Variants in ATAD2B observed in about 807,000 individuals in gnomAD.
ATAD2B encodes ATPase family AAA domain-containing protein 2B.
Under a neutral mutation model 167.6 loss-of-function variants are expected in ATAD2B, and 40 were observed. That is an observed-to-expected ratio of 0.24 (90% CI 0.19 to 0.31). The LOEUF is 0.31. Among genes scored for constraint, ATAD2B ranks in the 10% least tolerant of loss-of-function variants. The pLI, the probability that ATAD2B is intolerant of heterozygous loss-of-function variation, is 1.00. For missense variants in ATAD2B, 1,242 were observed against 1,757.2 expected (o/e 0.71, Z 5.24); for synonymous variants, 579 against 596.5 (o/e 0.97, Z 0.43).
the ATAD2B span, among the ~76,000 whole-genome samples, chr2:23,716,773 G>A: frequency 7.2e-5 from 11 of 152,168 alleles, no homozygotes; most frequent in African/African-American, 2.7e-4. Flanking sequence ...GGTGACAGCT[G>A]CAAACAGAGG....
At chr2:23,767,927 G>A (rs1677698166) in intron 22 of ATAD2B, among the ~76,000 whole-genome samples, 1 of 151,466 alleles carries the variant, frequency 6.6e-6, no homozygotes, top group African/African-American at 2.4e-5. Context: ...AAACAGAATA[G>A]AGAGGAAAGG....
intron 18 of ATAD2B, among the ~76,000 whole-genome samples, chr2:23,808,007 T>TAC (rs1490722193): frequency 4.4e-5 from 4 of 90,664 alleles, no homozygotes; most frequent in African/African-American, 1.8e-4. Context: ...CACAGTAATT[T>TAC]ATATATATTA....
chr2:23,807,642 C>T (rs1684642074), intron 18 of ATAD2B, among the ~76,000 whole-genome samples: 1 of 151,486 alleles, frequency 6.6e-6, no homozygotes, highest in Non-Finnish European at 1.5e-5. Context: ...TGGTGACACA[C>T]CGTCTCTACT....
chr2:23,690,991 C>T, the ATAD2B span: 1 of 153,542 alleles, frequency 6.5e-6, no homozygotes, highest in African/African-American at 2.4e-5. Context: ...CAGGTCATGG[C>T]TGCTGGCTGT....
At chr2:23,695,628 G>T in the ATAD2B span, 7 of 1,549,992 alleles carry the variant, frequency 4.5e-6, no homozygotes, top group Non-Finnish European at 6.1e-6. The surrounding 1 kb of genome is among the most constrained non-coding windows in gnomAD (Gnocchi z 7.6). Flanking sequence ...TGCAGTACGC[G>T]GCTGAGCTCC....
chr2:23,854,506 C>T (rs58604592), intron 13 of ATAD2B, among the ~76,000 whole-genome samples: 188 of 151,474 alleles, frequency 1.2e-3, no homozygotes, highest in African/African-American at 4.3e-3. Flanking sequence ...GGTGAAACCC[C>T]ACCTCTACTA....
chr2:23,720,608 C>A, the ATAD2B span, among the ~76,000 whole-genome samples: 2 of 147,094 alleles, frequency 1.4e-5, no homozygotes, highest in South Asian at 4.3e-4. Context: ...AAGAGGGCAG[C>A]GTGGAGGCAC....
At chr2:23,857,015 C>G (rs1349111965) in intron 13 of ATAD2B, among the ~76,000 whole-genome samples, 1 of 151,386 alleles carries the variant, frequency 6.6e-6, no homozygotes, top group Non-Finnish European at 1.5e-5. Flanking sequence ...TGAAAACCAG[C>G]CTAGGCAAGA....
chr2:23,780,001 T>C (rs781631249), intron 22 of ATAD2B, among the ~76,000 whole-genome samples: 3 of 152,150 alleles, frequency 2.0e-5, no homozygotes, highest in Non-Finnish European at 4.4e-5. Flanking sequence ...TACCAGCACT[T>C]TGGGAGGCCA....
At chr2:23,735,709 T>C in the ATAD2B span, among the ~76,000 whole-genome samples, 1 of 152,214 alleles carries the variant, frequency 6.6e-6, no homozygotes, top group East Asian at 1.9e-4. Context: ...AAAATCAGGA[T>C]GTCTTATGAC....
the ATAD2B span, among the ~76,000 whole-genome samples, chr2:23,683,880 C>T: frequency 2.6e-5 from 4 of 152,172 alleles, no homozygotes; most frequent in African/African-American, 4.8e-5. Flanking sequence ...TCTCCTCCCA[C>T]GCCATGGCTG....
At chr2:23,731,819 T>TA in the ATAD2B span, among the ~76,000 whole-genome samples, 2 of 151,800 alleles carry the variant, frequency 1.3e-5, no homozygotes, top group South Asian at 2.1e-4. Flanking sequence ...CTGTGAAAAA[T>TA]AAAAAAATTA....
chr2:23,807,643 C>T (rs1328509136), intron 18 of ATAD2B, among the ~76,000 whole-genome samples: 3 of 151,228 alleles, frequency 2.0e-5, no homozygotes, highest in Non-Finnish European at 4.4e-5. Context: ...GGTGACACAC[C>T]GTCTCTACTA....
chr2:23,822,361 C>T (rs1687575506), intron 16 of ATAD2B, among the ~76,000 whole-genome samples: 1 of 151,472 alleles, frequency 6.6e-6, no homozygotes, highest in South Asian at 2.1e-4. Context: ...ATGGTGAAAC[C>T]CCATCTCTAC....
intron 22 of ATAD2B, among the ~76,000 whole-genome samples, chr2:23,777,359 T>C (rs530790254): frequency 4.3e-4 from 64 of 148,418 alleles, no homozygotes; most frequent in African/African-American, 1.4e-3. Flanking sequence ...TATATCTATA[T>C]CTATATCTAT....
intron 2 of ATAD2B, among the ~76,000 whole-genome samples, chr2:23,894,477 A>T (rs1400796264): frequency 6.6e-6 from 1 of 151,796 alleles, no homozygotes; most frequent in Non-Finnish European, 1.5e-5. Flanking sequence ...AAAAAAAAAA[A>T]AGAAAGAAAG....
At chr2:23,806,041 C>G (rs572441553) in intron 18 of ATAD2B, 1 of 152,228 alleles carries the variant, frequency 6.6e-6, no homozygotes, top group South Asian at 2.1e-4. Context: ...TTAATTTAAT[C>G]TAAAGAATGC....
At chr2:23,920,664 G>A (rs865911060) in intron 1 of ATAD2B, among the ~76,000 whole-genome samples, 14 of 151,900 alleles carry the variant, frequency 9.2e-5, no homozygotes, top group Admixed American at 1.3e-4. Flanking sequence ...TTTAGCCAAA[G>A]GTATATATCC....
At chr2:23,680,748 T>A in the ATAD2B span, among the ~76,000 whole-genome samples, 1 of 148,060 alleles carries the variant, frequency 6.8e-6, no homozygotes, top group East Asian at 2.0e-4. The surrounding 1 kb of genome is among the most constrained non-coding windows in gnomAD (Gnocchi z 4.1). Context: ...CTGGGGTCTC[T>A]AGGCCATCTT....
Sources: allele counts gnomAD v4.1 joint callset (sites outside exome capture counted in the v4.1 genomes callset), GRCh38; gene constraint gnomAD v4.1.1; non-coding constraint Gnocchi (gnomAD v3.1); transcripts MANE v1.5; gene names NCBI Gene and HGNC (gene_info 2026-07-23, HGNC 2026-07-21).